ENO4: variants seen among roughly 807,000 people sequenced by gnomAD.
The protein encoded by ENO4 is 2-phospho-D-glycerate hydro-lyase.
ENO4 carries 53 observed loss-of-function variants against 63.2 expected under a neutral mutation model. The observed-to-expected ratio is 0.84, with a 90% CI of 0.67 to 1.05. The LOEUF is 1.05. Among genes scored for constraint, ENO4 ranks in the 50% least tolerant of loss-of-function variants. The pLI is 0.00. For synonymous variants in ENO4, 266 were observed against 283.8 expected (o/e 0.94, Z 0.63); for missense variants, 719 against 772.0 (o/e 0.93, Z 0.81).
intron 1 of ENO4, chr10:116,850,237 G>A (rs1314151337): frequency 9.5e-6 from 2 of 209,870 alleles, no homozygotes; most frequent in Non-Finnish European, 1.9e-5. Flanking sequence ...GTTAATATCT[G>A]ACCAGCCCCG....
downstream of ENO4, chr10:116,883,548 G>A (rs1375609700): frequency 1.3e-5 from 2 of 152,252 alleles, no homozygotes; most frequent in Non-Finnish European, 2.9e-5. Context: ...AACAGGTAGA[G>A]TATGCATTTA....
intron 10 of ENO4, among the ~76,000 whole-genome samples, chr10:116,892,101 T>C (rs1456887931): frequency 6.6e-6 from 1 of 152,206 alleles, no homozygotes; most frequent in Non-Finnish European, 1.5e-5. Context: ...CAAAGATCTA[T>C]GTCTATGCTC....
chr10:116,898,546 A>G (rs932761268), intron 10 of ENO4, among the ~76,000 whole-genome samples: 1 of 152,142 alleles, frequency 6.6e-6, no homozygotes. Flanking sequence ...CATAATTCTG[A>G]TCTAAATTAT....
chr10:116,900,683 A>G, intron 10 of ENO4: 2 of 1,466,146 alleles, frequency 1.4e-6, no homozygotes, highest in South Asian at 2.8e-5. Context: ...TAGGTGTTAA[A>G]CAAATTTAAT....
In ENO4 at chr10:116,880,978, A is replaced by C. The variant is rs561178102; in HGVS notation, c.1724-537A>C. ...TCAGTATTCCACAATAGATTAACAG[A>C]TCGAGGAGAATTTCTCTGACACTGG... On this transcript the variant is annotated intron_variant, in intron 13 of 13. Coordinates refer to ENST00000341276, the MANE Select transcript of ENO4 (RefSeq NM_001242699.2). Among the ~76,000 whole-genome samples the C allele has an allele frequency of 5.9e-5, 9 of 152,274 alleles. No individual in the cohort carries two copies. In the South Asian group the frequency reaches 1.9e-3, roughly 32 times the overall value.
intron 7 of ENO4, chr10:116,864,484 A>G (rs1229661397): frequency 6.6e-6 from 1 of 152,078 alleles, no homozygotes; most frequent in East Asian, 1.9e-4. Context: ...TCAAAAAAAA[A>G]AAAAATTTTT....
intron 11 of ENO4, among the ~76,000 whole-genome samples, chr10:116,877,823 GA>G (rs1238582250): frequency 6.6e-6 from 1 of 152,208 alleles, no homozygotes; most frequent in Admixed American, 6.5e-5. Flanking sequence ...CTGTGAAGTA[GA>G]CACTATCATT....
rs1846130348 is a variant in ENO4 at position 116,852,989 on chromosome 10, G to A, written c.166-2634G>A. Reference sequence around the variant, plus strand: ...GGTTTAAACCACCAAGGTTTGGGGTGGTCTGTTACAAAGCAGTAGATAATG... The same window carrying A: ...GGTTTAAACCACCAAGGTTTGGGGTAGTCTGTTACAAAGCAGTAGATAATG... On this transcript the variant is annotated intron_variant, in intron 1 of 13. Coordinates refer to ENST00000341276, the MANE Select transcript of ENO4 (RefSeq NM_001242699.2). Among the ~76,000 whole-genome samples, 4 of 152,202 alleles carry A rather than the reference G, an allele frequency of 2.6e-5. No individual in the cohort carries two copies. The South Asian group carries it at 8.3e-4, about 32-fold the overall frequency.
intron 2 of ENO4, among the ~76,000 whole-genome samples, chr10:116,856,164 C>T (rs1428619409): frequency 1.3e-5 from 2 of 152,090 alleles, no homozygotes; most frequent in East Asian, 3.9e-4. Context: ...ATTCACTTTG[C>T]TACATATTTG....
exon 11 of ENO4, chr10:116,911,762 T>C (rs75242161): frequency 0.025 from 39,912 of 1,596,910 alleles, 679 homozygotes; most frequent in Admixed American, 0.064. Context: ...CCCCATTAGC[T>C]AAACAATAAA....
Position 116,871,033 on chromosome 10 carries a change from C to T in ENO4, c.1048-92C>T, listed in dbSNP as rs1236510449. On this transcript the variant is annotated intron_variant, in intron 8 of 13. Coordinates refer to ENST00000341276, the MANE Select transcript of ENO4 (RefSeq NM_001242699.2). Reference sequence around the variant, plus strand: ...AATCAAAGGACTGATCTTTGCAGAGCTATATCTGATCATAAACCATGCTTA... The same window carrying T: ...AATCAAAGGACTGATCTTTGCAGAGTTATATCTGATCATAAACCATGCTTA... The T allele has an allele frequency of 6.3e-6, 7 of 1,103,818 alleles. 1 individual carries two copies. In the East Asian group the frequency reaches 1.6e-4, roughly 24 times the overall value. 68.4% of individuals were successfully genotyped at this position (1,103,818 alleles called of 1,614,324 possible).
rs11599752 is a variant in ENO4 at position 116,893,826 on chromosome 10, A to G, written c.1194+13840A>G. 5.6e-3 allele frequency among the ~76,000 whole-genome samples: 848 copies of G among 152,338 alleles called. 6 individuals are homozygous for G. The highest frequency in any genetic ancestry group is 8.2e-3 in the Non-Finnish European group (561 of 68,022). On this transcript the variant is annotated intron_variant, in intron 10 of 10. Transcript: ENST00000369207. Reference sequence around the variant, plus strand: ...GAATAATTTTATGCCAAGTTTCCCTAAAGTAAGTTAAGAATCTCAATTTTT... The same window carrying G: ...GAATAATTTTATGCCAAGTTTCCCTGAAGTAAGTTAAGAATCTCAATTTTT...
chr10:116,873,526 G>A (rs571215828), intron 9 of ENO4, among the ~76,000 whole-genome samples: 16 of 152,212 alleles, frequency 1.1e-4, no homozygotes, highest in South Asian at 4.2e-4. Context: ...GGACAATATC[G>A]TTACTACTAG....
chr10:116,881,740 G>A lies in ENO4; in HGVS notation c.*71G>A, dbSNP rs539602601. ...ACCGGGAGGTCTGAAGTACGGCGCC[G>A]TGTCTCCACATGGAGTTTCCTCTTC... is the stretch of plus-strand genomic sequence containing the variant. On this transcript the variant is annotated 3_prime_UTR_variant, in exon 14 of 14. Coordinates refer to ENST00000341276, the MANE Select transcript of ENO4 (RefSeq NM_001242699.2). 664 of 1,197,570 alleles carry A rather than the reference G, an allele frequency of 5.5e-4. 14 individuals are homozygous for A. The South Asian group carries it at 0.017, about 30-fold the overall frequency. The allele number at this position is 1,197,570 out of a possible 1,614,324, so 74.2% of individuals were successfully genotyped here.
In ENO4 at chr10:116,891,581, T is replaced by C. The variant is rs9420219; in HGVS notation, c.1194+11595T>C. On this transcript the variant is annotated intron_variant, in intron 10 of 10. Coordinates refer to the ENO4 transcript ENST00000369207. Reference sequence around the variant, plus strand: ...AACTCCAAAGAGGAAGTTCCTTTTATATTTTCTCTGGTGTAAAAATAAGGA... The same window carrying C: ...AACTCCAAAGAGGAAGTTCCTTTTACATTTTCTCTGGTGTAAAAATAAGGA... 4.8e-3 allele frequency among the ~76,000 whole-genome samples: 729 copies of C among 152,384 alleles called. 5 individuals are homozygous for C. The highest frequency in any genetic ancestry group is 0.017 in the African/African-American group (706 of 41,592).
intron 10 of ENO4, among the ~76,000 whole-genome samples, chr10:116,905,208 C>CAAAAA (rs772309175): frequency 1.7e-4 from 11 of 63,434 alleles, no homozygotes; most frequent in African/African-American, 4.9e-4. Flanking sequence ...GACTCCGTCT[C>CAAAAA]AAAAAAAAAA....
At chr10:116,878,846 C>T (rs1324446364) in intron 11 of ENO4, among the ~76,000 whole-genome samples, 1 of 150,140 alleles carries the variant, frequency 6.7e-6, no homozygotes, top group Non-Finnish European at 1.5e-5. Flanking sequence ...CGGGTTCACG[C>T]CATTCTCCTG....
At chr10:116,853,623 G>C (rs1846158593) in intron 1 of ENO4, among the ~76,000 whole-genome samples, 1 of 152,000 alleles carries the variant, frequency 6.6e-6, no homozygotes, top group African/African-American at 2.4e-5. Context: ...CACAACACGC[G>C]GCACATTATA....
At chr10:116,912,357 G>C (rs1235509564), downstream of ENO4, among the ~76,000 whole-genome samples, 1 of 152,184 alleles carries the variant, frequency 6.6e-6, no homozygotes, top group Non-Finnish European at 1.5e-5. Context: ...TTTCACAAGA[G>C]GACAGAGTCG....
Sources: allele counts gnomAD v4.1 joint callset (sites outside exome capture counted in the v4.1 genomes callset), GRCh38; gene constraint gnomAD v4.1.1; transcripts MANE v1.5; gene names NCBI Gene and HGNC (gene_info 2026-07-23, HGNC 2026-07-21).